Variants in SPTB observed in about 807,000 individuals in gnomAD.
The protein encoded by SPTB is spectrin beta, erythrocytic.
A neutral mutation model predicts 256.2 loss-of-function variants in SPTB; 45 were observed. That is an observed-to-expected ratio of 0.18 (90% CI 0.14 to 0.23). The LOEUF (loss-of-function observed/expected upper bound fraction) is 0.23. Ranked by LOEUF, SPTB falls within the 10% of genes least tolerant of loss-of-function variation. SPTB has a pLI of 1.00. For missense variants in SPTB, 2,715 were observed against 3,040.4 expected (o/e 0.89, Z 2.52); for synonymous variants, 1,231 against 1,243.1 (o/e 0.99, Z 0.21).
intron 1 of SPTB, among the ~76,000 whole-genome samples, chr14:64,840,286 A>G (rs971934320): frequency 6.6e-6 from 1 of 152,042 alleles, no homozygotes; most frequent in Non-Finnish European, 1.5e-5. Context: ...GCTACTTCTC[A>G]CCTTTCTCCT....
chr14:64,782,395 G>T lies in SPTB; in HGVS notation c.4161C>A (p.Thr1387=), dbSNP rs753880808. The T allele has an allele frequency of 3.1e-6, 5 of 1,614,152 alleles. No individual in the cohort carries two copies. Among genetic ancestry groups the T allele is most frequent in the Admixed American group, 1.7e-5 (1 of 60,022 alleles). ...AARSSDLRLQ[T]HADLNKWISA... is the part of the protein sequence containing the mutation. ...TGATCCACTTGTTGAGGTCAGCATG[G>T]GTCTGCAAGCGCAGGTCGGAGCTCC... is the stretch of plus-strand genomic sequence containing the variant. The change falls in exon 20 of 36, where the codon ACC becomes ACA. Residue 1387 remains threonine, a synonymous_variant. Transcript: ENST00000644917.
intron 2 of SPTB, among the ~76,000 whole-genome samples, chr14:64,808,653 G>T (rs542884721): frequency 1.3e-5 from 2 of 152,212 alleles, no homozygotes; most frequent in South Asian, 2.1e-4. Context: ...TGCTGCAGGG[G>T]CGTTGGGCAG....
intron 33 of SPTB, chr14:64,752,411 C>T (rs1186590115): frequency 2.0e-6 from 1 of 487,974 alleles, no homozygotes; most frequent in African/African-American, 2.1e-5. Context: ...AAGCTGGCTG[C>T]AAAGCCATTT....
At chr14:64,857,108 T>C (rs568352943) in intron 1 of SPTB, among the ~76,000 whole-genome samples, 1 of 152,310 alleles carries the variant, frequency 6.6e-6, no homozygotes, top group Non-Finnish European at 1.5e-5. Context: ...AAATGCAGCA[T>C]GTGACCGCAA....
chr14:64,814,238 G>A lies in SPTB; in HGVS notation c.148+8709C>T, dbSNP rs578203498. Among the ~76,000 whole-genome samples, 9 of 152,230 alleles carry A rather than the reference G, an allele frequency of 5.9e-5. No homozygotes were observed. The East Asian group carries it at 1.5e-3, about 26-fold the overall frequency. On this transcript the variant is annotated intron_variant, in intron 2 of 35. Coordinates refer to ENST00000644917, the MANE Select transcript of SPTB (RefSeq NM_001355436.2). ...CTTGGGGTATAGTAATTCAAAGGGA[G>A]ACAATATAGCCATTAAAATAATTTG...
Position 64,786,396 on chromosome 14 carries a change from C to G in SPTB, c.3561+8G>C, listed in dbSNP as rs750132919. On this transcript the variant is annotated splice_region_variant and intron_variant, in intron 16 of 35. Coordinates refer to ENST00000644917, the MANE Select transcript of SPTB (RefSeq NM_001355436.2). The surrounding 1 kb of genome is among the most constrained non-coding windows in gnomAD (Gnocchi z 5.6). ...ACCCGCCTGTCCCAGCCCTGAATGCCTCTCTACCTGGTTGCTGAGGATGGC... is the reference window on the plus strand; with the variant it reads ...ACCCGCCTGTCCCAGCCCTGAATGCGTCTCTACCTGGTTGCTGAGGATGGC... 2 of 1,614,020 alleles carry G rather than the reference C, an allele frequency of 1.2e-6. No individual in the cohort carries two copies. The highest frequency in any genetic ancestry group is 1.7e-6 in the Non-Finnish European group (2 of 1,180,030).
rs2082699776 is a variant in SPTB at position 64,792,950 on chromosome 14, C to T, written c.2666+47G>A. The T allele has an allele frequency of 1.2e-6, 2 of 1,613,200 alleles. No individual in the cohort carries two copies. The highest frequency in any genetic ancestry group is 1.7e-6 in the Non-Finnish European group (2 of 1,179,936). ...TACCAAACTAGGTGGGAGATGGTGC[C>T]CAGGCCTGGGTACAGGGACGTGAGG... On this transcript the variant is annotated intron_variant, in intron 14 of 35. Coordinates refer to ENST00000644917, the MANE Select transcript of SPTB (RefSeq NM_001355436.2). This position sits in a 1 kb window ranked among gnomAD's most constrained non-coding sequence, Gnocchi z 4.2.
intron 20 of SPTB, among the ~76,000 whole-genome samples, chr14:64,780,304 T>C (rs2082445422): frequency 6.6e-6 from 1 of 152,232 alleles, no homozygotes; most frequent in Admixed American, 6.5e-5. Flanking sequence ...GCTCATGTGA[T>C]AGGAGGAATT....
chr14:64,763,436 C>T (rs916159341), intron 32 of SPTB, among the ~76,000 whole-genome samples: 1 of 152,242 alleles, frequency 6.6e-6, no homozygotes, highest in Non-Finnish European at 1.5e-5. Flanking sequence ...CGTCTCACAC[C>T]AGTGGGTACC....
intron 33 of SPTB, among the ~76,000 whole-genome samples, chr14:64,751,393 T>A (rs553185100): frequency 4.6e-5 from 7 of 152,258 alleles, no homozygotes; most frequent in South Asian, 2.1e-4. Flanking sequence ...GTGCTGGGAT[T>A]ACAGTCCTGA....
At chr14:64,828,228 C>T (rs562655824) in intron 1 of SPTB, among the ~76,000 whole-genome samples, 49 of 152,014 alleles carry the variant, frequency 3.2e-4, no homozygotes, top group Admixed American at 5.2e-4. Flanking sequence ...CTTTACATGC[C>T]GCAACTTGTC....
At chr14:64,864,961 T>C (rs546277495) in intron 1 of SPTB, among the ~76,000 whole-genome samples, 2 of 152,270 alleles carry the variant, frequency 1.3e-5, no homozygotes, top group African/African-American at 4.8e-5. Context: ...ATCTCCTTTA[T>C]TGGTAAAATA....
Position 64,749,939 on chromosome 14 carries a change from C to T in SPTB, c.6776+42G>A, listed in dbSNP as rs1459742942. 1.2e-6 allele frequency: 2 copies of T among 1,613,858 alleles called. No individual in the cohort carries two copies. Among genetic ancestry groups the T allele is most frequent in the Non-Finnish European group, 1.7e-6 (2 of 1,179,800 alleles). On this transcript the variant is annotated intron_variant, in intron 34 of 35. Coordinates refer to ENST00000644917, the MANE Select transcript of SPTB (RefSeq NM_001355436.2). This position sits in a 1 kb window ranked among gnomAD's most constrained non-coding sequence, Gnocchi z 4.7. ...CTCTGCCCTGCCACTAATGCCAAAT[C>T]AAGCCATCAACCCGAGCTTTCAAAG...
rs370972045 is a variant in SPTB at position 64,847,884 on chromosome 14, G to A, written c.-51-24739C>T. Among the ~76,000 whole-genome samples the A allele has an allele frequency of 1.7e-4, 26 of 152,266 alleles. No homozygotes were observed. The highest frequency in any genetic ancestry group is 5.8e-4 in the African/African-American group (24 of 41,566). On this transcript the variant is annotated intron_variant, in intron 1 of 35. Coordinates refer to ENST00000644917, the MANE Select transcript of SPTB (RefSeq NM_001355436.2). The surrounding 1 kb of genome is among the most constrained non-coding windows in gnomAD (Gnocchi z 5.9). ...CCCCATCCGGAGTGAGACAAAGGGA[G>A]GCACTCCACACCTCCGCTTCCTCCA...
chr14:64,772,511 C>A lies in SPTB; in HGVS notation c.5553+69G>T. ...ATCCTAGAGGTTTTCCTGCTGACAG[C>A]CAGGTGGGGACTGACACCCAGGGCT... On this transcript the variant is annotated intron_variant, in intron 26 of 35. Coordinates refer to ENST00000644917, the MANE Select transcript of SPTB (RefSeq NM_001355436.2). The surrounding 1 kb of genome is among the most constrained non-coding windows in gnomAD (Gnocchi z 5.4). 1 of 1,584,284 alleles carries A rather than the reference C, an allele frequency of 6.3e-7. No individual in the cohort carries two copies. The highest frequency in any genetic ancestry group is 2.3e-5 in the East Asian group (1 of 44,444).
In SPTB at chr14:64,775,295, G is replaced by T. The variant is rs373885193; in HGVS notation, c.4672C>A (p.Arg1558Ser). The T allele has an allele frequency of 1.2e-6, 2 of 1,613,088 alleles. No homozygotes were observed. The highest frequency in any genetic ancestry group is 1.7e-5 in the Admixed American group (1 of 59,958). ...AEIDCQDLEE[R>S]LGHLQSSWDR... ...CAGGAGCTCTGCAGGTGCCCCAGGCGCTCCTCAAGGTCCTGGCAGTCGATC... is the reference window on the plus strand; with the variant it reads ...CAGGAGCTCTGCAGGTGCCCCAGGCTCTCCTCAAGGTCCTGGCAGTCGATC... The change falls in exon 23 of 36, where the codon CGC becomes AGC. Residue 1558 changes from arginine (R) to serine (S), a missense_variant. Around this residue, in one of 4 missense-constraint regions of SPTB, gnomAD observed 2,239 missense variants for 2,384.4 expected, o/e 0.94. Transcript: ENST00000644917. This position sits in a 1 kb window ranked among gnomAD's most constrained non-coding sequence, Gnocchi z 5.0.
At chr14:64,784,523 C>A (rs1211202393) in intron 18 of SPTB, 130 bp from the exon 19 acceptor site, 9 of 1,236,824 alleles carry the variant, frequency 7.3e-6, no homozygotes, top group Non-Finnish European at 1.1e-5. Flanking sequence ...GAGAACCCAT[C>A]TGCAGTTCTG....
chr14:64,877,997 GTGC>G (rs1882906623), intron 1 of SPTB, among the ~76,000 whole-genome samples: 1 of 152,198 alleles, frequency 6.6e-6, no homozygotes, highest in Admixed American at 6.5e-5. Context: ...TGATACGCCT[GTGC>G]TACAAGGCCC....
intron 27 of SPTB, 135 bp from the exon 28 acceptor site, chr14:64,769,863 A>AG: frequency 8.1e-7 from 1 of 1,237,580 alleles, no homozygotes; most frequent in Non-Finnish European, 1.2e-6. Context: ...CTGGCCAGCC[A>AG]GGGGGTCCTC....
Sources: allele counts gnomAD v4.1 joint callset (sites outside exome capture counted in the v4.1 genomes callset), GRCh38; gene constraint gnomAD v4.1.1; regional missense constraint gnomAD v4.1.1; non-coding constraint Gnocchi (gnomAD v3.1); transcripts MANE v1.5; gene names NCBI Gene and HGNC (gene_info 2026-07-23, HGNC 2026-07-21).